Variants in FHOD3 observed in about 807,000 individuals in gnomAD.
FHOD3 encodes the protein FH1/FH2 domain-containing protein 3.
A neutral mutation model predicts 173.0 loss-of-function variants in FHOD3; 90 were observed. The ratio of observed to expected loss-of-function variants is 0.52; its 90% CI spans 0.44 to 0.62. The LOEUF (loss-of-function observed/expected upper bound fraction) is 0.62. FHOD3 is among the 20% of genes least tolerant of loss of function. FHOD3 has a pLI of 0.00. For missense variants in FHOD3, 1,945 were observed against 2,034.7 expected, an observed-to-expected ratio of 0.96 and a Z score of 0.85; for synonymous variants, 828 against 823.0, an observed-to-expected ratio of 1.01 and a Z score of -0.10.
intron 28 of FHOD3, 98 bp from the exon 29 acceptor site, chr18:36,779,350 G>A: frequency 2.8e-6 from 3 of 1,067,066 alleles, no homozygotes; most frequent in Non-Finnish European, 4.3e-6. Context: ...AAGTCCCTGG[G>A]GAGAAGGGGG....
At chr18:36,590,868 T>C (rs570866163) in intron 6 of FHOD3, among the ~76,000 whole-genome samples, 1 of 152,154 alleles carries the variant, frequency 6.6e-6, no homozygotes, top group Non-Finnish European at 1.5e-5. Context: ...TCTGGGTGCC[T>C]GAGACCGTAT....
intron 3 of FHOD3, among the ~76,000 whole-genome samples, chr18:36,480,516 A>C (rs1417656124): frequency 4.6e-5 from 7 of 152,208 alleles, no homozygotes; most frequent in Non-Finnish European, 1.0e-4. Flanking sequence ...CAAGGGCATT[A>C]TTGACATTGA....
chr18:36,483,627 AG>A (rs1405721149), intron 3 of FHOD3, among the ~76,000 whole-genome samples: 1 of 152,228 alleles, frequency 6.6e-6, no homozygotes, highest in Non-Finnish European at 1.5e-5. Context: ...TCACATGAAC[AG>A]GGTAGGTTTT....
chr18:36,554,514 T>A (rs1255896033), intron 5 of FHOD3, among the ~76,000 whole-genome samples: 1 of 150,430 alleles, frequency 6.6e-6, no homozygotes, highest in African/African-American at 2.4e-5. Flanking sequence ...GGGATAACAT[T>A]AGGAGATATA....
intron 25 of FHOD3, among the ~76,000 whole-genome samples, chr18:36,756,617 T>C (rs543684942): frequency 6.6e-6 from 1 of 152,322 alleles, no homozygotes; most frequent in Admixed American, 6.5e-5. Flanking sequence ...TCTCTAGAAG[T>C]CCACATTCCT....
intron 2 of FHOD3, among the ~76,000 whole-genome samples, chr18:36,360,356 G>A (rs1206226862): frequency 6.6e-6 from 1 of 152,146 alleles, no homozygotes; most frequent in Non-Finnish European, 1.5e-5. Flanking sequence ...CTTTTCCTTG[G>A]CATGACTCCC....
intron 20 of FHOD3, among the ~76,000 whole-genome samples, chr18:36,732,792 T>C (rs1036154301): frequency 6.6e-6 from 1 of 152,130 alleles, no homozygotes; most frequent in Non-Finnish European, 1.5e-5. Flanking sequence ...GAACAAAGGA[T>C]GAGCAGGGCA....
chr18:36,660,003 G>A (rs1362322015), intron 14 of FHOD3, among the ~76,000 whole-genome samples: 1 of 152,250 alleles, frequency 6.6e-6, no homozygotes, highest in East Asian at 1.9e-4. Context: ...GGGCGCGGTG[G>A]CTCACACCTG....
chr18:36,452,234 A>G (rs2051899953), intron 3 of FHOD3, among the ~76,000 whole-genome samples: 1 of 152,104 alleles, frequency 6.6e-6, no homozygotes, highest in Non-Finnish European at 1.5e-5. Context: ...CCGTACTTGT[A>G]CCACTTTCCA....
At position 36,742,624 on chromosome 18, in the gene FHOD3, T is replaced by C. The variant is rs2041958292; in HGVS notation, c.3760-113T>C. The C allele has an allele frequency of 4.2e-6, 5 of 1,184,432 alleles. No homozygotes were observed. In the South Asian group the frequency reaches 7.4e-5, roughly 17 times the overall value. 73.4% of individuals were successfully genotyped at this position (1,184,432 alleles called of 1,614,324 possible). A position where few individuals can be genotyped will look rare whatever the true frequency, so the allele number is the denominator to read the frequency against. ...TAGGAGCAATGCCCATCGCGGGGGA[T>C]TGCCTTGTGCTGGGGAGAACACCGT... On this transcript the variant is annotated intron_variant, in intron 21 of 28. Transcript: ENST00000590592.
intron 15 of FHOD3, among the ~76,000 whole-genome samples, chr18:36,683,035 G>A (rs1191272238): frequency 6.6e-6 from 1 of 152,166 alleles, no homozygotes; most frequent in Non-Finnish European, 1.5e-5. Flanking sequence ...TCTAAGACTG[G>A]GTGAATGGGC....
intron 1 of FHOD3, among the ~76,000 whole-genome samples, chr18:36,319,151 C>T (rs1370578523): frequency 6.6e-6 from 1 of 152,004 alleles, no homozygotes; most frequent in Non-Finnish European, 1.5e-5. Flanking sequence ...ATTTTTGCAT[C>T]GATGTTCATC....
At chr18:36,395,551 A>G (rs2048517231) in intron 3 of FHOD3, among the ~76,000 whole-genome samples, 1 of 152,064 alleles carries the variant, frequency 6.6e-6, no homozygotes, top group Non-Finnish European at 1.5e-5. Context: ...TTTTTTCATA[A>G]TAATTCTAAG....
At chr18:36,424,851 G>C (rs535542450) in intron 3 of FHOD3, among the ~76,000 whole-genome samples, 1 of 152,168 alleles carries the variant, frequency 6.6e-6, no homozygotes, top group African/African-American at 2.4e-5. Context: ...CCTTTGTTCA[G>C]CGTTTCTGTG....
chr18:36,759,945 G>A (rs147369982), intron 26 of FHOD3, among the ~76,000 whole-genome samples: 93 of 152,312 alleles, frequency 6.1e-4, no homozygotes, highest in African/African-American at 2.2e-3. Context: ...CTTTTGTTCA[G>A]TTAGAGAAAA....
chr18:36,457,475 G>C (rs2065542461), intron 3 of FHOD3, among the ~76,000 whole-genome samples: 1 of 151,996 alleles, frequency 6.6e-6, no homozygotes, highest in Admixed American at 6.5e-5. Context: ...TCTGACTTTT[G>C]CAAAAATTTT....
intron 14 of FHOD3, among the ~76,000 whole-genome samples, chr18:36,665,746 G>A (rs1003268675): frequency 1.2e-4 from 18 of 152,332 alleles, no homozygotes; most frequent in African/African-American, 3.6e-4. Flanking sequence ...GGCCTGGAGT[G>A]AAGAAGCAGA....
chr18:36,700,481 T>G (rs1313914247), intron 17 of FHOD3, among the ~76,000 whole-genome samples: 2 of 152,208 alleles, frequency 1.3e-5, no homozygotes, highest in Non-Finnish European at 2.9e-5. Context: ...TGATTCCTCC[T>G]TCAACACTTA....
intron 3 of FHOD3, among the ~76,000 whole-genome samples, chr18:36,411,214 A>G (rs2049337220): frequency 6.6e-6 from 1 of 152,128 alleles, no homozygotes; most frequent in Non-Finnish European, 1.5e-5. Flanking sequence ...TTTTTTGCAT[A>G]TGGATACCCA....
Sources: gnomAD v4.1 joint callset for allele counts (sites outside exome capture counted in the v4.1 genomes callset) on GRCh38, gnomAD v4.1.1 for gene constraint, MANE v1.5 for transcripts, NCBI Gene and HGNC (gene_info 2026-07-23, HGNC 2026-07-21) for gene names.